Variants in ATP9B observed in about 807,000 individuals in gnomAD.
ATP9B encodes ATPase phospholipid transporting 9B.
A neutral mutation model predicts 146.1 loss-of-function variants in ATP9B; 110 were observed. The ratio of observed to expected loss-of-function variants is 0.75; its 90% CI spans 0.65 to 0.88. The LOEUF (loss-of-function observed/expected upper bound fraction) is 0.88, where lower values mean the gene tolerates loss of function less well. Ranked by LOEUF, ATP9B falls within the 40% of genes least tolerant of loss-of-function variation. The pLI is 0.00. For synonymous variants in ATP9B, 604 were observed against 569.7 expected (o/e 1.06, Z -0.86); for missense variants, 1,499 against 1,496.4 (o/e 1.00, Z -0.03).
intron 9 of ATP9B, among the ~76,000 whole-genome samples, chr18:79,198,609 T>C (rs1178664371): frequency 2.0e-5 from 3 of 152,228 alleles, no homozygotes; most frequent in Non-Finnish European, 4.4e-5. Context: ...GTGTAGCCTG[T>C]TGCTCCTGTA....
chr18:79,167,715 A>G (rs1324916367), intron 7 of ATP9B, among the ~76,000 whole-genome samples: 1 of 152,088 alleles, frequency 6.6e-6, no homozygotes, highest in Admixed American at 6.5e-5. Context: ...GCACTATCCG[A>G]TTGGCTGTAT....
intron 15 of ATP9B, among the ~76,000 whole-genome samples, chr18:79,312,417 T>G (rs149715098): frequency 2.2e-3 from 342 of 152,324 alleles, no homozygotes; most frequent in African/African-American, 7.5e-3. Context: ...CTCGTTTGCT[T>G]CTTCTGTGCT....
At chr18:79,093,801 AAG>A (rs2074548004) in intron 1 of ATP9B, among the ~76,000 whole-genome samples, 1 of 152,212 alleles carries the variant, frequency 6.6e-6, no homozygotes, top group Non-Finnish European at 1.5e-5. Flanking sequence ...AAAAGAAAAA[AAG>A]AACTTCTGTT....
At chr18:79,355,763 A>G (rs748789230) in intron 25 of ATP9B, among the ~76,000 whole-genome samples, 1 of 152,258 alleles carries the variant, frequency 6.6e-6, no homozygotes, top group Non-Finnish European at 1.5e-5. Flanking sequence ...ACATAAATGT[A>G]TAGATTCAAG....
chr18:79,267,021 T>C lies in ATP9B; in HGVS notation c.1269-10033T>C, dbSNP rs868704953. On this transcript the variant is annotated intron_variant, in intron 12 of 29. Coordinates refer to ENST00000426216, the MANE Select transcript of ATP9B (RefSeq NM_198531.5). Reference sequence around the variant, plus strand: ...AATAATTTATCTAAAATTGGAATTGTTTATTTCCTGAACATTTACATAAGA... The same window carrying C: ...AATAATTTATCTAAAATTGGAATTGCTTATTTCCTGAACATTTACATAAGA... Among the ~76,000 whole-genome samples the C allele has an allele frequency of 3.9e-5, 6 of 152,192 alleles. No individual in the cohort carries two copies. In the East Asian group the frequency reaches 1.2e-3, roughly 29 times the overall value.
chr18:79,109,472 A>G (rs1194539451), intron 2 of ATP9B, among the ~76,000 whole-genome samples: 1 of 152,154 alleles, frequency 6.6e-6, no homozygotes, highest in Non-Finnish European at 1.5e-5. Flanking sequence ...GCATAGATGA[A>G]GAGAGCTATG....
intron 26 of ATP9B, among the ~76,000 whole-genome samples, chr18:79,368,225 C>T (rs747450769): frequency 2.0e-5 from 3 of 152,246 alleles, no homozygotes; most frequent in Admixed American, 6.5e-5. Flanking sequence ...CCAAGAAAGT[C>T]TTCAATTTTC....
intron 23 of ATP9B, among the ~76,000 whole-genome samples, chr18:79,346,139 T>C (rs1299526224): frequency 1.5e-5 from 2 of 134,000 alleles, no homozygotes; most frequent in African/African-American, 5.9e-5. Flanking sequence ...CAGCGCACAG[T>C]CAGCACACAC....
intron 12 of ATP9B, among the ~76,000 whole-genome samples, chr18:79,261,698 T>A (rs2096143460): frequency 6.6e-6 from 1 of 152,170 alleles, no homozygotes; most frequent in African/African-American, 2.4e-5. Context: ...TACAAAATGC[T>A]TCATCCCCTG....
intron 18 of ATP9B, among the ~76,000 whole-genome samples, chr18:79,336,930 G>C (rs958011241): frequency 1.3e-5 from 2 of 152,228 alleles, no homozygotes; most frequent in African/African-American, 4.8e-5. Context: ...GCAAAGAAGT[G>C]CCAGTTTCCT....
At chr18:79,282,302 T>G (rs1362228342) in intron 13 of ATP9B, among the ~76,000 whole-genome samples, 1 of 152,222 alleles carries the variant, frequency 6.6e-6, no homozygotes, top group Non-Finnish European at 1.5e-5. Flanking sequence ...GACTTCAGTT[T>G]CAAATGAAGT....
intron 13 of ATP9B, among the ~76,000 whole-genome samples, chr18:79,293,216 A>T (rs1275430281): frequency 1.3e-5 from 2 of 151,812 alleles, no homozygotes; most frequent in East Asian, 3.9e-4. Flanking sequence ...CATAGACCTA[A>T]ATACAAACAC....
At chr18:79,207,626 T>G (rs2095546682) in intron 10 of ATP9B, among the ~76,000 whole-genome samples, 1 of 151,952 alleles carries the variant, frequency 6.6e-6, no homozygotes, top group Non-Finnish European at 1.5e-5. Flanking sequence ...GTAATGGGGC[T>G]TAGCAGCAGG....
chr18:79,236,933 G>A (rs1329937147), intron 11 of ATP9B, among the ~76,000 whole-genome samples: 1 of 93,852 alleles, frequency 1.1e-5, no homozygotes, highest in Non-Finnish European at 2.1e-5. Flanking sequence ...GCACGAGTCA[G>A]TGTCCACACC....
At chr18:79,130,272 G>A (rs2094355304) in intron 5 of ATP9B, among the ~76,000 whole-genome samples, 1 of 152,118 alleles carries the variant, frequency 6.6e-6, no homozygotes, top group Admixed American at 6.5e-5. Flanking sequence ...ATTATCTAAA[G>A]GAAGCAAACA....
chr18:79,134,911 A>G (rs1329181419), intron 5 of ATP9B, among the ~76,000 whole-genome samples: 2 of 152,182 alleles, frequency 1.3e-5, no homozygotes, highest in Non-Finnish European at 2.9e-5. Flanking sequence ...CATATAAGTG[A>G]GCATTGTGTT....
chr18:79,330,048 G>A lies in ATP9B; in HGVS notation c.1972G>A (p.Gly658Ser). Residue 658 changes from glycine (G) to serine (S), a missense_variant, in exon 17 of 30, where the codon GGC becomes AGC. Transcript: ENST00000426216. The part of the protein sequence containing the change: ...STAEITFYMK[G>S]ADVAMSPIVQ... ...GGCAGAAATCACATTCTACATGAAG[G>A]GCGCTGACGTGGCCATGTCTCCTAT... is the stretch of plus-strand genomic sequence containing the variant. 1.2e-6 allele frequency: 2 copies of A among 1,614,124 alleles called. No homozygotes were observed. Among genetic ancestry groups the A allele is most frequent in the Non-Finnish European group, 1.7e-6 (2 of 1,179,994 alleles).
At chr18:79,208,903 G>C (rs1295743970) in intron 10 of ATP9B, among the ~76,000 whole-genome samples, 1 of 152,180 alleles carries the variant, frequency 6.6e-6, no homozygotes, top group Non-Finnish European at 1.5e-5. Flanking sequence ...GGACTCTTCT[G>C]GGGTGGACAA....
chr18:79,088,599 T>C (rs9952407), intron 1 of ATP9B, among the ~76,000 whole-genome samples: 31,846 of 152,108 alleles, frequency 0.21, 3,713 homozygotes, highest in East Asian at 0.5. Context: ...AACATTTTGA[T>C]TGGTAGAGTA....
Sources: allele counts gnomAD v4.1 joint callset (sites outside exome capture counted in the v4.1 genomes callset), GRCh38; gene constraint gnomAD v4.1.1; transcripts MANE v1.5; gene names NCBI Gene and HGNC (gene_info 2026-07-23, HGNC 2026-07-21).